ADAM23: variants seen among roughly 807,000 people sequenced by gnomAD.
ADAM23 encodes the protein disintegrin and metalloproteinase domain-containing protein 23.
In ADAM23, 33 loss-of-function variants were observed where a neutral mutation model predicts 120.1. The observed-to-expected ratio is 0.27, with a 90% CI of 0.21 to 0.37. The LOEUF (loss-of-function observed/expected upper bound fraction) is 0.37, where lower values mean the gene tolerates loss of function less well. ADAM23 is among the 10% of genes least tolerant of loss of function. The probability of loss-of-function intolerance (pLI) is 1.00; values close to 1 mark genes in which losing one functional copy is unlikely to be tolerated. For synonymous variants in ADAM23, 367 were observed against 375.2 expected, an observed-to-expected ratio of 0.98 and a Z score of 0.25; for missense variants, 862 against 1,058.2, an observed-to-expected ratio of 0.81 and a Z score of 2.57.
At chr2:206,565,104 T>C (rs1186915889) in intron 14 of ADAM23, 36 bp downstream of exon 14, 1 of 1,607,516 alleles carries the variant, frequency 6.2e-7, no homozygotes, top group African/African-American at 1.3e-5. Flanking sequence ...GATATATGCC[T>C]TTTGCTAAAA....
intron 3 of ADAM23, among the ~76,000 whole-genome samples, chr2:206,523,387 C>T (rs953147678): frequency 5.3e-5 from 8 of 152,220 alleles, no homozygotes; most frequent in African/African-American, 1.9e-4. Flanking sequence ...TGTGCCCACA[C>T]TTACCAGCCC....
At chr2:206,611,809 A>G (rs1011313611) in intron 25 of ADAM23, among the ~76,000 whole-genome samples, 1 of 152,244 alleles carries the variant, frequency 6.6e-6, no homozygotes, top group African/African-American at 2.4e-5. Context: ...TAAGTGGATT[A>G]GGCCCTGTAA....
chr2:206,578,269 T>C (rs562688165), intron 18 of ADAM23, among the ~76,000 whole-genome samples: 29 of 152,286 alleles, frequency 1.9e-4, no homozygotes, highest in Non-Finnish European at 3.1e-4. Flanking sequence ...GGTTCTTTAG[T>C]GGTGATTTGT....
chr2:206,589,754 C>T (rs1460942123), intron 21 of ADAM23, among the ~76,000 whole-genome samples: 1 of 152,120 alleles, frequency 6.6e-6, no homozygotes, highest in East Asian at 1.9e-4. Context: ...TCAGGTGCCA[C>T]ATTTTACTTC....
At chr2:206,539,277 C>G (rs1399669216) in intron 4 of ADAM23, among the ~76,000 whole-genome samples, 1 of 152,150 alleles carries the variant, frequency 6.6e-6, no homozygotes, top group African/African-American at 2.4e-5. Flanking sequence ...ATTTAATTAA[C>G]TGACAGTTTT....
intron 3 of ADAM23, among the ~76,000 whole-genome samples, chr2:206,490,000 C>T (rs537037853): frequency 2.0e-5 from 3 of 152,306 alleles, no homozygotes; most frequent in African/African-American, 7.2e-5. Context: ...GAAGTTCTAA[C>T]CCCTAGTACC....
chr2:206,614,626 TG>T (rs2105868338), intron 25 of ADAM23, among the ~76,000 whole-genome samples: 1 of 151,928 alleles, frequency 6.6e-6, no homozygotes, highest in South Asian at 2.1e-4. Context: ...CACTCCAGCC[TG>T]GGCAACAAGA....
At chr2:206,554,829 C>T (rs538305583) in intron 9 of ADAM23, among the ~76,000 whole-genome samples, 1 of 152,282 alleles carries the variant, frequency 6.6e-6, no homozygotes, top group South Asian at 2.1e-4. Context: ...AATTAAATGG[C>T]ACTTCAAGTT....
chr2:206,467,869 C>T (rs1695573106), intron 2 of ADAM23, among the ~76,000 whole-genome samples: 1 of 152,148 alleles, frequency 6.6e-6, no homozygotes, highest in African/African-American at 2.4e-5. Context: ...AGCCTCAACT[C>T]TTATATTCTG....
In ADAM23 at chr2:206,548,427, C is replaced by T; in HGVS notation, c.867+73C>T. The T allele has an allele frequency of 4.6e-5, 65 of 1,405,398 alleles. 1 individual carries two copies. Among genetic ancestry groups the T allele is most frequent in the Non-Finnish European group, 6.3e-5 (64 of 1,008,982 alleles). The allele number at this position is 1,405,398 out of a possible 1,614,324, so 87.1% of individuals were successfully genotyped here. On this transcript the variant is annotated intron_variant, in intron 8 of 25. Coordinates refer to ENST00000264377, the MANE Select transcript of ADAM23 (RefSeq NM_003812.4). ...TCATGTGCCTATCACCCCACATTAT[C>T]TAAGTGTACCTAAAACAGTTCAGAT...
At chr2:206,468,856 T>C (rs958131088) in intron 2 of ADAM23, among the ~76,000 whole-genome samples, 7 of 152,224 alleles carry the variant, frequency 4.6e-5, no homozygotes, top group Non-Finnish European at 8.8e-5. Flanking sequence ...CATGACAGCA[T>C]CTGCTTCTGG....
At chr2:206,508,177 C>G (rs1365352402) in intron 3 of ADAM23, among the ~76,000 whole-genome samples, 4 of 152,014 alleles carry the variant, frequency 2.6e-5, no homozygotes, top group Admixed American at 2.0e-4. Flanking sequence ...CTACAGGCAT[C>G]CACCACCACG....
chr2:206,541,965 C>A, intron 4 of ADAM23, 87 bp from the exon 5 acceptor site: 1 of 1,341,828 alleles, frequency 7.5e-7, no homozygotes, highest in Non-Finnish European at 1.1e-6. Flanking sequence ...TATGCCCATC[C>A]TTGCATTTCT....
chr2:206,516,233 TAAA>T (rs1192850018), intron 3 of ADAM23, among the ~76,000 whole-genome samples: 1 of 123,300 alleles, frequency 8.1e-6, no homozygotes. Flanking sequence ...GCATTTTTAT[TAAA>T]AAAAAAAAAA....
At chr2:206,609,340 T>A (rs1245695721) in intron 24 of ADAM23, among the ~76,000 whole-genome samples, 1 of 152,202 alleles carries the variant, frequency 6.6e-6, no homozygotes, top group Non-Finnish European at 1.5e-5. Context: ...ACTGTAAGGA[T>A]AGTGAAGAAG....
In ADAM23 at chr2:206,562,207, G is replaced by A; in HGVS notation, c.1259G>A (p.Gly420Asp). ...ACTTTCAACTCTGAAAAACAGTATG[G>A]TCTTCCAATGGCAGTGGCACAAGTA... Reference protein sequence around the residue: ...RTRGVGVNEYGLPMAVAQVLS... With the variant: ...RTRGVGVNEYDLPMAVAQVLS... Residue 420 changes from glycine to aspartate, a missense_variant, in exon 13 of 26, where the codon GGT (glycine) becomes GAT (aspartate). By Grantham distance (94) the Gly-to-Asp change is moderately conservative. Around this residue, in one of 4 missense-constraint regions of ADAM23, gnomAD observed 617 missense variants for 813.5 expected, o/e 0.76. Coordinates refer to ENST00000264377, the MANE Select transcript of ADAM23 (RefSeq NM_003812.4). The A allele has an allele frequency of 6.2e-7, 1 of 1,613,704 alleles. No homozygotes were observed. The highest frequency in any genetic ancestry group is 8.5e-7 in the Non-Finnish European group (1 of 1,179,716).
Position 206,573,143 on chromosome 2 carries a change from A to G in ADAM23, c.1685A>G (p.Asp562Gly). The G allele has an allele frequency of 6.2e-7, 1 of 1,614,030 alleles. No individual in the cohort carries two copies. Reference sequence around the variant, plus strand: ...CAGCCACGAGGGTATGAATGCCGGGATGCTGTGAACGAGTGTGATATTACT... The same window carrying G: ...CAGCCACGAGGGTATGAATGCCGGGGTGCTGTGAACGAGTGTGATATTACT... Reference protein sequence around the residue: ...LFQPRGYECRDAVNECDITEY... With the variant: ...LFQPRGYECRGAVNECDITEY... Residue 562 changes from aspartate to glycine, a missense_variant, in exon 18 of 26, where the codon GAT becomes GGT. Physicochemically the swap from Asp to Gly is moderately conservative, Grantham distance 94. This residue lies in a region of ADAM23 where 617 missense variants were observed against 813.5 expected (regional missense o/e 0.76). Transcript: ENST00000264377.
intron 18 of ADAM23, among the ~76,000 whole-genome samples, chr2:206,574,595 T>C (rs1354711546): frequency 2.6e-5 from 4 of 152,170 alleles, no homozygotes; most frequent in Non-Finnish European, 4.4e-5. Context: ...CACGAAACTA[T>C]TTATTAGACA....
intron 2 of ADAM23, among the ~76,000 whole-genome samples, chr2:206,473,326 A>G (rs765627966): frequency 2.0e-5 from 3 of 152,166 alleles, no homozygotes; most frequent in East Asian, 1.9e-4. Context: ...CTCATAAGCC[A>G]TTCTCAGCTC....
Sources: gnomAD v4.1 joint callset for allele counts (sites outside exome capture counted in the v4.1 genomes callset) on GRCh38, gnomAD v4.1.1 for gene constraint, gnomAD v4.1.1 regional missense constraint, MANE v1.5 for transcripts, NCBI Gene and HGNC (gene_info 2026-07-23, HGNC 2026-07-21) for gene names.